RIMS1: variants seen among roughly 807,000 people sequenced by gnomAD.
RIMS1 encodes regulating synaptic membrane exocytosis 1.
In RIMS1, 83 loss-of-function variants were observed where a neutral mutation model predicts 214.1. That is an observed-to-expected ratio of 0.39 (90% confidence interval 0.32 to 0.47). The LOEUF (loss-of-function observed/expected upper bound fraction) is 0.47, where lower values mean the gene tolerates loss of function less well. Ranked by LOEUF, RIMS1 falls within the 20% of genes least tolerant of loss-of-function variation. RIMS1 has a pLI of 0.99. For synonymous variants in RIMS1, 793 were observed against 786.8 expected, an observed-to-expected ratio of 1.01 and a Z score of -0.13; for missense variants, 2,050 against 2,161.8, an observed-to-expected ratio of 0.95 and a Z score of 1.03.
chr6:72,078,867 A>G (rs1832567792), intron 2 of RIMS1, among the ~76,000 whole-genome samples: 1 of 152,218 alleles, frequency 6.6e-6, no homozygotes. Context: ...TTATATATTT[A>G]TATGTGTATA....
intron 2 of RIMS1, among the ~76,000 whole-genome samples, chr6:71,981,569 A>G (rs1470186199): frequency 1.3e-5 from 2 of 152,282 alleles, no homozygotes; most frequent in East Asian, 1.9e-4. Context: ...GAAAAAATTC[A>G]TAGAAAAGAT....
At chr6:72,272,751 A>G (rs1422200412) in intron 22 of RIMS1, among the ~76,000 whole-genome samples, 1 of 152,144 alleles carries the variant, frequency 6.6e-6, no homozygotes, top group Non-Finnish European at 1.5e-5. Context: ...TACTAAGTCT[A>G]TATTTATGTT....
At chr6:71,902,892 GTA>G (rs1774126348) in intron 1 of RIMS1, among the ~76,000 whole-genome samples, 3 of 152,078 alleles carry the variant, frequency 2.0e-5, no homozygotes, top group African/African-American at 7.2e-5. Context: ...ATTCTGTGGC[GTA>G]TATGTTTCAC....
chr6:72,322,486 A>C (rs2096227162), intron 28 of RIMS1, among the ~76,000 whole-genome samples: 1 of 152,142 alleles, frequency 6.6e-6, no homozygotes, highest in Non-Finnish European at 1.5e-5. Flanking sequence ...AATAAGCAAT[A>C]ATATTACATG....
Position 71,975,253 on chromosome 6 carries a change from A to G in RIMS1, c.245+6190A>G, listed in dbSNP as rs1431057180. Among the ~76,000 whole-genome samples, 3 of 152,178 alleles carry G rather than the reference A, an allele frequency of 2.0e-5. No homozygotes were observed. In the East Asian group the frequency reaches 5.8e-4, roughly 29 times the overall value. ...TTGGAGGACTTAAGAAAATTATGCAATGTCATGCAAAAACAAACTTGTCCC... is the reference window on the plus strand; with the variant it reads ...TTGGAGGACTTAAGAAAATTATGCAGTGTCATGCAAAAACAAACTTGTCCC... On this transcript the variant is annotated intron_variant, in intron 2 of 33. Transcript: ENST00000521978.
At chr6:72,205,959 A>G (rs905299678) in intron 6 of RIMS1, among the ~76,000 whole-genome samples, 18 of 152,146 alleles carry the variant, frequency 1.2e-4, no homozygotes, top group Admixed American at 3.9e-4. Context: ...TATCTATACT[A>G]TATGGTATGT....
intron 24 of RIMS1, among the ~76,000 whole-genome samples, chr6:72,286,731 C>T (rs527320046): frequency 6.8e-6 from 1 of 147,116 alleles, no homozygotes; most frequent in Non-Finnish European, 1.5e-5. Context: ...GAACCGAAGA[C>T]ACAGTATAAA....
At chr6:71,911,179 C>T (rs1776783326) in intron 1 of RIMS1, among the ~76,000 whole-genome samples, 1 of 152,070 alleles carries the variant, frequency 6.6e-6, no homozygotes, top group Admixed American at 6.6e-5. Context: ...GCTCCAGATT[C>T]CATTGTTGGC....
intron 2 of RIMS1, among the ~76,000 whole-genome samples, chr6:71,977,709 C>G (rs1797503781): frequency 6.6e-6 from 1 of 151,918 alleles, no homozygotes; most frequent in South Asian, 2.1e-4. Flanking sequence ...GAATTCCAGG[C>G]AGAAAGGATG....
chr6:72,304,018 A>G (rs2094901867), intron 26 of RIMS1, among the ~76,000 whole-genome samples: 1 of 151,622 alleles, frequency 6.6e-6, no homozygotes, highest in Non-Finnish European at 1.5e-5. Context: ...TCATTAAAAG[A>G]CTAAATGAAA....
At chr6:72,181,737 A>T (rs1039337362) in intron 5 of RIMS1, among the ~76,000 whole-genome samples, 3 of 152,234 alleles carry the variant, frequency 2.0e-5, no homozygotes, top group African/African-American at 7.2e-5. Flanking sequence ...CAAGATTGAA[A>T]GAGACACTGT....
rs373920978 is a variant in RIMS1 at position 72,235,649 on chromosome 6, G to A, written c.1778G>A (p.Gly593Glu). The change falls in exon 8 of 34, where the codon GGG (glycine) becomes GAG (glutamate). Residue 593 changes from glycine (G) to glutamate (E), a missense_variant. Coordinates refer to ENST00000521978, the MANE Select transcript of RIMS1 (RefSeq NM_014989.7). ...GTAACGTGGCAACCATCTAAAGAGGGGGACCGATTAATTGGACGTGTTATT... is the reference window on the plus strand; with the variant it reads ...GTAACGTGGCAACCATCTAAAGAGGAGGACCGATTAATTGGACGTGTTATT... Reference protein sequence around the residue: ...HPVTWQPSKEGDRLIGRVILN... With the variant: ...HPVTWQPSKEEDRLIGRVILN... The A allele has an allele frequency of 8.7e-6, 14 of 1,611,064 alleles. No individual in the cohort carries two copies. The highest frequency in any genetic ancestry group is 1.3e-5 in the African/African-American group (1 of 74,776).
chr6:72,337,978 T>A (rs1210641026), intron 29 of RIMS1, among the ~76,000 whole-genome samples: 1 of 151,722 alleles, frequency 6.6e-6, no homozygotes, highest in African/African-American at 2.4e-5. Context: ...ATTTCCTTAA[T>A]CCAATCTATC....
intron 2 of RIMS1, among the ~76,000 whole-genome samples, chr6:72,011,236 C>T (rs544170130): frequency 8.2e-4 from 125 of 152,260 alleles, no homozygotes; most frequent in African/African-American, 2.9e-3. Flanking sequence ...AGAAAGGATT[C>T]CCTATTTAAT....
chr6:72,176,224 GGT>G (rs1216822039), intron 4 of RIMS1, among the ~76,000 whole-genome samples: 1 of 152,068 alleles, frequency 6.6e-6, no homozygotes, highest in African/African-American at 2.4e-5. Context: ...ATTTCTAAAA[GGT>G]GTGTTTGTGT....
Position 72,391,798 on chromosome 6 carries a change from A to G in RIMS1, c.4506-900A>G, listed in dbSNP as rs148952672. On this transcript the variant is annotated intron_variant, in intron 30 of 33. Transcript: ENST00000521978. ...AGATAAACTTACTGACAAAATACCCATATTTGATGAAGTAGCATAAAGTAA... is the reference window on the plus strand; with the variant it reads ...AGATAAACTTACTGACAAAATACCCGTATTTGATGAAGTAGCATAAAGTAA... Among the ~76,000 whole-genome samples the G allele has an allele frequency of 3.7e-3, 559 of 152,336 alleles. 4 individuals carry two copies. The highest frequency in any genetic ancestry group is 0.017 in the South Asian group (82 of 4,834).
At chr6:72,376,816 A>G (rs1380719774) in intron 29 of RIMS1, among the ~76,000 whole-genome samples, 1 of 152,100 alleles carries the variant, frequency 6.6e-6, no homozygotes, top group African/African-American at 2.4e-5. Context: ...AATCACAGAA[A>G]TTTATCACAG....
intron 1 of RIMS1, among the ~76,000 whole-genome samples, chr6:71,925,618 C>T (rs1411697849): frequency 1.3e-5 from 2 of 152,002 alleles, no homozygotes; most frequent in African/African-American, 4.8e-5. Context: ...TTCTAACCAC[C>T]ATGTTGGTTG....
At chr6:72,269,240 A>G (rs1031664401) in intron 22 of RIMS1, among the ~76,000 whole-genome samples, 4 of 152,080 alleles carry the variant, frequency 2.6e-5, no homozygotes, top group African/African-American at 4.8e-5. Context: ...AACATTTTAC[A>G]TTACCCACCC....
Sources: gnomAD v4.1 joint callset for allele counts (sites outside exome capture counted in the v4.1 genomes callset) on GRCh38, gnomAD v4.1.1 for gene constraint, MANE v1.5 for transcripts, NCBI Gene and HGNC (gene_info 2026-07-23, HGNC 2026-07-21) for gene names.